Variants in VPS13D observed in about 807,000 individuals in gnomAD.
VPS13D encodes the protein vacuolar protein sorting 13 homolog D.
VPS13D carries 187 observed loss-of-function variants against 461.9 expected under a neutral mutation model. The ratio of observed to expected loss-of-function variants is 0.40; its 90% CI spans 0.36 to 0.46. The LOEUF is 0.46. Ranked by LOEUF, VPS13D falls within the 20% of genes least tolerant of loss-of-function variation. The pLI, the probability that VPS13D is intolerant of heterozygous loss-of-function variation, is 0.60. For synonymous variants in VPS13D, 1,951 were observed against 1,986.3 expected, an observed-to-expected ratio of 0.98 and a Z score of 0.47; for missense variants, 4,711 against 5,364.9, an observed-to-expected ratio of 0.88 and a Z score of 3.81.
At chr1:12,368,730 A>T in intron 53 of VPS13D, 139 bp downstream of exon 53, 1 of 1,085,066 alleles carries the variant, frequency 9.2e-7, no homozygotes, top group South Asian at 2.6e-5. Context: ...TTATATCTGG[A>T]CAAGCCTAGA....
chr1:12,356,566 G>C, intron 49 of VPS13D, 42 bp downstream of exon 49: 2 of 1,599,754 alleles, frequency 1.3e-6, no homozygotes, highest in Non-Finnish European at 1.7e-6. Context: ...AAGCTCCCAG[G>C]GAAGGGAAGA....
chr1:12,367,879 T>C (rs1644060933), intron 52 of VPS13D, among the ~76,000 whole-genome samples: 1 of 152,182 alleles, frequency 6.6e-6, no homozygotes, highest in Non-Finnish European at 1.5e-5. Context: ...AGTGCTGGGA[T>C]TACAGGCGTG....
intron 18 of VPS13D, among the ~76,000 whole-genome samples, chr1:12,275,274 G>A (rs191180334): frequency 6.6e-6 from 1 of 151,214 alleles, no homozygotes; most frequent in East Asian, 1.9e-4. Context: ...AATTAGCCGG[G>A]CATGGTGGTA....
At chr1:12,363,017 A>G (rs1257423230) in intron 51 of VPS13D, 55 bp from the exon 52 acceptor site, 2 of 1,601,688 alleles carry the variant, frequency 1.2e-6, no homozygotes, top group Admixed American at 1.7e-5. Context: ...ACTCAGTAAC[A>G]CTTATTGTCA....
intron 46 of VPS13D, among the ~76,000 whole-genome samples, chr1:12,353,736 T>C (rs576242479): frequency 7.9e-5 from 12 of 152,246 alleles, no homozygotes; most frequent in African/African-American, 2.9e-4. Flanking sequence ...GCCTATAATT[T>C]ATTTTGGATG....
At chr1:12,361,858 T>C (rs1296033284) in intron 50 of VPS13D, among the ~76,000 whole-genome samples, 4 of 152,088 alleles carry the variant, frequency 2.6e-5, no homozygotes, top group African/African-American at 4.8e-5. Context: ...GAATAAATTC[T>C]TTTATTTATT....
intron 60 of VPS13D, among the ~76,000 whole-genome samples, chr1:12,387,957 A>G (rs1644370331): frequency 2.6e-5 from 4 of 152,260 alleles, no homozygotes; most frequent in Admixed American, 2.6e-4. Context: ...CATGCTACAA[A>G]AAATGTAAAA....
At chr1:12,437,667 T>C (rs1338180000) in intron 65 of VPS13D, among the ~76,000 whole-genome samples, 1 of 152,212 alleles carries the variant, frequency 6.6e-6, no homozygotes, top group African/African-American at 2.4e-5. Context: ...CTTTTTCCAT[T>C]CAAGGCAACT....
chr1:12,273,015 C>T lies in VPS13D; in HGVS notation c.2116C>T (p.Arg706Ter), dbSNP rs1447359541. 12 of 1,613,744 alleles carry T rather than the reference C, an allele frequency of 7.4e-6. No individual in the cohort carries two copies. The highest frequency in any genetic ancestry group is 1.3e-5 in the African/African-American group (1 of 74,892). The stretch of plus-strand genomic sequence containing the variant: ...TTTATTTGTACAGGAGGAGAGTAAA[C>T]GATGGACCGTGCGGCTGGATATTTC... The part of the protein sequence containing the change: ...LVGDFIEESK[R>*]WTVRLDISAP... The change falls in exon 18 of 70, where the codon CGA (arginine) becomes TGA (stop). Residue 706 changes from arginine (R) to a stop codon, truncating the protein, a stop_gained. Coordinates refer to ENST00000620676, the MANE Select transcript of VPS13D (RefSeq NM_015378.4). LOFTEE classifies it high-confidence loss of function.
In VPS13D at chr1:12,276,892, G is replaced by A; in HGVS notation, c.3304G>A (p.Val1102Met). The change falls in exon 19 of 70, where the codon GTG becomes ATG. Residue 1102 changes from valine (V) to methionine (M), a missense_variant. Physicochemically the swap from Val to Met is conservative, Grantham distance 21. Transcript: ENST00000620676. This position sits in a 1 kb window ranked among gnomAD's most constrained non-coding sequence, Gnocchi z 4.5. ...GATGAATTTAGACAGTACTCTTCAG[G>A]TGATTTCCCTACAGGTGAATAATTT... ...PSMNLDSTLQ[V>M]ISLQVNNLDI... The A allele has an allele frequency of 6.2e-7, 1 of 1,614,132 alleles. No homozygotes were observed. The highest frequency in any genetic ancestry group is 1.1e-5 in the South Asian group (1 of 91,078).
At chr1:12,382,554 T>G (rs1054373320) in intron 57 of VPS13D, among the ~76,000 whole-genome samples, 4 of 152,222 alleles carry the variant, frequency 2.6e-5, no homozygotes, top group Non-Finnish European at 1.5e-5. Context: ...AGAATTTTCC[T>G]CTTACTGGAA....
intron 67 of VPS13D, among the ~76,000 whole-genome samples, chr1:12,493,201 A>G (rs955156663): frequency 1.3e-5 from 2 of 150,924 alleles, no homozygotes; most frequent in Admixed American, 6.6e-5. Flanking sequence ...AAAAAAAAAA[A>G]GGACTGGCCG....
chr1:12,355,867 C>A, intron 47 of VPS13D, 32 bp from the exon 48 acceptor site: 1 of 1,487,176 alleles, frequency 6.7e-7, no homozygotes, highest in South Asian at 1.4e-5. Flanking sequence ...ATAGTGAGAA[C>A]TCTGAAAGTT....
chr1:12,406,064 G>A (rs571367346), intron 63 of VPS13D, among the ~76,000 whole-genome samples: 5 of 151,736 alleles, frequency 3.3e-5, no homozygotes, highest in Admixed American at 1.3e-4. Flanking sequence ...CATTTTCAGG[G>A]CATTTTTCAA....
chr1:12,371,039 G>GT (rs1161706984), intron 54 of VPS13D, among the ~76,000 whole-genome samples: 6 of 151,798 alleles, frequency 4.0e-5, no homozygotes, highest in East Asian at 1.9e-4. Context: ...AGGAAGAATA[G>GT]TTTTTTTTTA....
intron 18 of VPS13D, among the ~76,000 whole-genome samples, chr1:12,274,915 C>T (rs898252562): frequency 3.3e-5 from 5 of 149,790 alleles, no homozygotes; most frequent in African/African-American, 1.2e-4. Context: ...GAAACCCTGT[C>T]TCTATTAAAA....
chr1:12,341,941 G>A (rs1300301690), intron 41 of VPS13D, 56 bp downstream of exon 41: 13 of 1,569,874 alleles, frequency 8.3e-6, no homozygotes, highest in Non-Finnish European at 1.0e-5. Context: ...GCCTTCTTGT[G>A]CCAGCCCAGT....
At chr1:12,272,184 C>G (rs1448267644) in intron 17 of VPS13D, among the ~76,000 whole-genome samples, 1 of 152,104 alleles carries the variant, frequency 6.6e-6, no homozygotes, top group Non-Finnish European at 1.5e-5. Flanking sequence ...GACCTTGTCT[C>G]AAGAAATCAA....
chr1:12,461,064 G>A (rs1203769824), intron 67 of VPS13D, among the ~76,000 whole-genome samples: 3 of 152,156 alleles, frequency 2.0e-5, no homozygotes, highest in Non-Finnish European at 4.4e-5. Flanking sequence ...CTGCTTTAAC[G>A]TAGCTGTTTG....
Sources: gnomAD v4.1 joint callset for allele counts (sites outside exome capture counted in the v4.1 genomes callset) on GRCh38, gnomAD v4.1.1 for gene constraint, Gnocchi (gnomAD v3.1) non-coding constraint, MANE v1.5 for transcripts, NCBI Gene and HGNC (gene_info 2026-07-23, HGNC 2026-07-21) for gene names.